CNTN4: variants seen among roughly 807,000 people sequenced by gnomAD.
CNTN4 encodes contactin-4.
A neutral mutation model predicts 122.5 loss-of-function variants in CNTN4; 77 were observed. The ratio of observed to expected loss-of-function variants is 0.63; its 90% CI spans 0.52 to 0.76. The LOEUF is 0.76. Ranked by LOEUF, CNTN4 falls within the 30% of genes least tolerant of loss-of-function variation. The probability of loss-of-function intolerance (pLI) is 0.00; values close to 1 mark genes in which losing one functional copy is unlikely to be tolerated. For synonymous variants in CNTN4, 512 were observed against 447.0 expected (o/e 1.15, Z -1.83); for missense variants, 1,256 against 1,259.1 (o/e 1.00, Z 0.04).
At chr3:2,398,565 A>G (rs1262650283) in intron 3 of CNTN4, among the ~76,000 whole-genome samples, 1 of 152,156 alleles carries the variant, frequency 6.6e-6, no homozygotes, top group East Asian at 1.9e-4. Flanking sequence ...TTTACTATGG[A>G]CAGGTTTAGT....
intron 3 of CNTN4, among the ~76,000 whole-genome samples, chr3:2,398,689 G>C (rs747321732): frequency 8.5e-5 from 13 of 152,096 alleles, no homozygotes; most frequent in Non-Finnish European, 4.4e-5. Flanking sequence ...ATCTTGATAA[G>C]CATCTCCAAA....
chr3:2,217,432 G>A (rs2038892150), intron 2 of CNTN4, among the ~76,000 whole-genome samples: 2 of 152,176 alleles, frequency 1.3e-5, no homozygotes, highest in African/African-American at 4.8e-5. Flanking sequence ...GTCACCTCCA[G>A]AAGTGATTTC....
At chr3:2,175,570 CAGA>C (rs1243076083) in intron 2 of CNTN4, among the ~76,000 whole-genome samples, 2 of 152,138 alleles carry the variant, frequency 1.3e-5, no homozygotes, top group African/African-American at 2.4e-5. Flanking sequence ...AGGTTTGAAG[CAGA>C]AGGTCAGAGA....
At chr3:2,972,044 G>T (rs1692978038) in intron 13 of CNTN4, among the ~76,000 whole-genome samples, 1 of 152,058 alleles carries the variant, frequency 6.6e-6, no homozygotes, top group Non-Finnish European at 1.5e-5. Flanking sequence ...AAGCACAGTG[G>T]TATAATTACA....
At chr3:2,713,072 A>T (rs2087249876) in intron 4 of CNTN4, among the ~76,000 whole-genome samples, 1 of 152,226 alleles carries the variant, frequency 6.6e-6, no homozygotes, top group Non-Finnish European at 1.5e-5. Flanking sequence ...ACAGTGGGTC[A>T]TGGGAACCTC....
At position 2,735,471 on chromosome 3, in the gene CNTN4, G is replaced by C. The variant is rs113510788; in HGVS notation, c.56-744G>C. Among the ~76,000 whole-genome samples the C allele has an allele frequency of 3.2e-3, 490 of 152,314 alleles. 5 individuals carry two copies. Among genetic ancestry groups the C allele is most frequent in the African/African-American group, 0.011 (471 of 41,564 alleles). On this transcript the variant is annotated intron_variant, in intron 4 of 24. Coordinates refer to ENST00000418658, the MANE Select transcript of CNTN4 (RefSeq NM_175607.3). ...TTATTGAGAGAAAGCACTTAGAAAT[G>C]CATGGCTGTTTAACATGGCTTCACC...
intron 3 of CNTN4, among the ~76,000 whole-genome samples, chr3:2,488,456 G>GAT (rs2076225825): frequency 6.6e-6 from 1 of 152,106 alleles, no homozygotes; most frequent in Non-Finnish European, 1.5e-5. Context: ...GAGTGTTGGG[G>GAT]GGTGTGTGTG....
At chr3:2,998,386 G>A (rs991169513) in intron 14 of CNTN4, among the ~76,000 whole-genome samples, 7 of 152,100 alleles carry the variant, frequency 4.6e-5, no homozygotes, top group Non-Finnish European at 1.0e-4. Flanking sequence ...GCATATTCCT[G>A]GACCCTACCT....
chr3:2,550,156 G>A (rs185760463), intron 3 of CNTN4, among the ~76,000 whole-genome samples: 1 of 152,130 alleles, frequency 6.6e-6, no homozygotes, highest in Admixed American at 6.5e-5. Flanking sequence ...CCAGTTCCTG[G>A]AGTCATTGAT....
chr3:2,232,193 C>T (rs2149550896), intron 2 of CNTN4, among the ~76,000 whole-genome samples: 1 of 152,168 alleles, frequency 6.6e-6, no homozygotes, highest in Middle Eastern at 3.4e-3. Flanking sequence ...AGAAATTGTG[C>T]TTATTTTTAC....
chr3:2,461,358 CATT>C (rs2049202952), intron 3 of CNTN4, among the ~76,000 whole-genome samples: 1 of 151,638 alleles, frequency 6.6e-6, no homozygotes, highest in African/African-American at 2.4e-5. Flanking sequence ...AATTAGTTAA[CATT>C]AATTAATGAG....
chr3:2,329,006 A>G (rs996995669), intron 2 of CNTN4, among the ~76,000 whole-genome samples: 2 of 152,192 alleles, frequency 1.3e-5, no homozygotes, highest in Non-Finnish European at 2.9e-5. Flanking sequence ...CTAATTTTTG[A>G]TATGAAGAAA....
At chr3:2,563,365 C>A (rs568452629) in intron 3 of CNTN4, among the ~76,000 whole-genome samples, 2 of 152,030 alleles carry the variant, frequency 1.3e-5, no homozygotes, top group Non-Finnish European at 1.5e-5. Flanking sequence ...ACTTAGTTAA[C>A]CCATAAAATT....
intron 2 of CNTN4, among the ~76,000 whole-genome samples, chr3:2,210,592 C>T (rs2038571648): frequency 6.6e-6 from 1 of 152,138 alleles, no homozygotes; most frequent in Non-Finnish European, 1.5e-5. Context: ...CATGTCTTAG[C>T]CTTGGGTTCC....
chr3:2,570,599 A>G (rs779262031), intron 3 of CNTN4, among the ~76,000 whole-genome samples: 34 of 152,268 alleles, frequency 2.2e-4, no homozygotes, highest in Non-Finnish European at 4.4e-4. Context: ...TCTGTGTTCC[A>G]CATTACCCAT....
intron 4 of CNTN4, among the ~76,000 whole-genome samples, chr3:2,633,639 A>G (rs559784987): frequency 3.3e-5 from 5 of 152,334 alleles, no homozygotes; most frequent in African/African-American, 1.2e-4. Context: ...TGTAATCACA[A>G]AAACAGCTAA....
rs540235387 is a variant in CNTN4, at chr3:2,296,164, C to T, written c.-144-43014C>T. ...TAGGATTGACTTGGCGATGCGGGCT[C>T]TTTTTTGGTTCCATATGAACTTTAA... On this transcript the variant is annotated intron_variant, in intron 2 of 24. Coordinates refer to ENST00000418658, the MANE Select transcript of CNTN4 (RefSeq NM_175607.3). Among the ~76,000 whole-genome samples the T allele has an allele frequency of 1.8e-3, 273 of 152,180 alleles. 1 individual carries two copies. The highest frequency in any genetic ancestry group is 6.0e-3 in the African/African-American group (250 of 41,524).
intron 2 of CNTN4, among the ~76,000 whole-genome samples, chr3:2,103,181 C>CT (rs200002968): frequency 0.11 from 16,072 of 141,054 alleles, 1,555 homozygotes; most frequent in African/African-American, 0.27. Flanking sequence ...TTTTTAACAG[C>CT]TTTTTTTTTT....
At chr3:2,889,666 C>G (rs17585986) in intron 10 of CNTN4, among the ~76,000 whole-genome samples, 53,293 of 152,046 alleles carry the variant, frequency 0.35, 9,808 homozygotes, top group East Asian at 0.59. Flanking sequence ...TGAATAGTCT[C>G]TTCAGTTCAG....
Sources: allele counts gnomAD v4.1 joint callset (sites outside exome capture counted in the v4.1 genomes callset), GRCh38; gene constraint gnomAD v4.1.1; transcripts MANE v1.5; gene names NCBI Gene and HGNC (gene_info 2026-07-23, HGNC 2026-07-21).